The following SEMA3A variants were observed in gnomAD, a reference collection of about 807,000 sequenced individuals.
SEMA3A encodes the protein semaphorin 3A.
Under a neutral mutation model 97.9 loss-of-function variants are expected in SEMA3A, and 29 were observed. The ratio of observed to expected loss-of-function variants is 0.30; its 90% confidence interval spans 0.22 to 0.40. SEMA3A has a LOEUF of 0.40. SEMA3A is among the 10% of genes least tolerant of loss of function. The probability of loss-of-function intolerance (pLI) is 1.00; values close to 1 mark genes in which losing one functional copy is unlikely to be tolerated. For synonymous variants in SEMA3A, 321 were observed against 323.7 expected (o/e 0.99, Z 0.09); for missense variants, 763 against 951.3 (o/e 0.80, Z 2.60).
intron 3 of SEMA3A, among the ~76,000 whole-genome samples, chr7:84,275,218 T>C (rs544871744): frequency 6.6e-6 from 1 of 152,188 alleles, no homozygotes; most frequent in Admixed American, 6.6e-5. Context: ...ATGACATCCA[T>C]ACATCCACTT....
intron 4 of SEMA3A, among the ~76,000 whole-genome samples, chr7:84,108,161 G>C (rs1007493510): frequency 6.6e-6 from 1 of 152,020 alleles, no homozygotes; most frequent in Non-Finnish European, 1.5e-5. Context: ...TTTCACAACT[G>C]TATGAGGTAC....
intron 3 of SEMA3A, among the ~76,000 whole-genome samples, chr7:84,298,038 G>A (rs1800912536): frequency 6.6e-6 from 1 of 152,158 alleles, no homozygotes; most frequent in South Asian, 2.1e-4. Flanking sequence ...ATGGACAGAT[G>A]TGAATCTTTG....
intron 4 of SEMA3A, among the ~76,000 whole-genome samples, chr7:84,083,047 C>A (rs2189847): frequency 0.82 from 124,414 of 151,690 alleles, 51,220 homozygotes; most frequent in African/African-American, 0.9. Context: ...CATTTTAAAA[C>A]CTTAGATTGT....
intron 1 of SEMA3A, among the ~76,000 whole-genome samples, chr7:84,174,450 C>T (rs760326732): frequency 6.6e-6 from 1 of 152,196 alleles, no homozygotes; most frequent in Non-Finnish European, 1.5e-5. Flanking sequence ...AACCAGCAAT[C>T]ATTTAGAAGT....
chr7:83,995,452 C>A (rs1369792572), intron 12 of SEMA3A, among the ~76,000 whole-genome samples: 3 of 152,098 alleles, frequency 2.0e-5, no homozygotes, highest in African/African-American at 7.2e-5. Context: ...TCCTAGAATC[C>A]ATTAATTAAA....
intron 3 of SEMA3A, among the ~76,000 whole-genome samples, chr7:84,275,849 G>T (rs185645209): frequency 6.6e-6 from 1 of 151,982 alleles, no homozygotes; most frequent in South Asian, 2.1e-4. Flanking sequence ...TTGATTACAT[G>T]TTGAAATAAT....
At chr7:84,134,693 A>G in intron 2 of SEMA3A, 101 bp downstream of exon 2, 1 of 915,416 alleles carries the variant, frequency 1.1e-6, no homozygotes. Flanking sequence ...TTAATTCAAA[A>G]CAATTTTCTG....
chr7:84,344,280 T>G (rs1487706635), intron 2 of SEMA3A, among the ~76,000 whole-genome samples: 1 of 152,086 alleles, frequency 6.6e-6, no homozygotes, highest in Non-Finnish European at 1.5e-5. Context: ...ACCCTTCCAC[T>G]TAAACAAACA....
chr7:84,032,161 C>T (rs1366406920), intron 6 of SEMA3A, among the ~76,000 whole-genome samples: 1 of 152,124 alleles, frequency 6.6e-6, no homozygotes, highest in Non-Finnish European at 1.5e-5. Flanking sequence ...GATGCATTGG[C>T]AGTGCGGCTT....
At chr7:84,132,707 G>T (rs1368631000) in intron 2 of SEMA3A, among the ~76,000 whole-genome samples, 1 of 114,102 alleles carries the variant, frequency 8.8e-6, no homozygotes. Flanking sequence ...ACGGAGTCTC[G>T]CTCTGTCACC....
At chr7:84,357,705 C>T (rs933915827) in intron 2 of SEMA3A, among the ~76,000 whole-genome samples, 10 of 151,752 alleles carry the variant, frequency 6.6e-5, no homozygotes, top group East Asian at 1.9e-4. Context: ...CCTGAGGAAT[C>T]GCCACACTGT....
At chr7:84,476,761 TG>T (rs1259471411) in intron 1 of SEMA3A, among the ~76,000 whole-genome samples, 1 of 152,134 alleles carries the variant, frequency 6.6e-6, no homozygotes, top group East Asian at 1.9e-4. Context: ...ATTCTTACAT[TG>T]TAGCTGAAAA....
intron 2 of SEMA3A, among the ~76,000 whole-genome samples, chr7:84,353,581 A>G (rs1293363886): frequency 6.6e-6 from 1 of 151,740 alleles, no homozygotes; most frequent in Non-Finnish European, 1.5e-5. Context: ...TATAGCAGAT[A>G]TAAAGGTTCA....
chr7:84,005,826 G>A (rs1324498242), intron 10 of SEMA3A, among the ~76,000 whole-genome samples: 1 of 152,066 alleles, frequency 6.6e-6, no homozygotes, highest in Non-Finnish European at 1.5e-5. Flanking sequence ...GTGCATGCCT[G>A]TAGTCCCAGC....
chr7:84,016,851 G>T (rs12674315), intron 6 of SEMA3A, among the ~76,000 whole-genome samples: 1 of 152,034 alleles, frequency 6.6e-6, no homozygotes, highest in African/African-American at 2.4e-5. Context: ...GTAAGTTTGA[G>T]GATATTATAA....
chr7:84,261,558 C>G (rs1428477391), intron 3 of SEMA3A, among the ~76,000 whole-genome samples: 1 of 152,210 alleles, frequency 6.6e-6, no homozygotes, highest in Non-Finnish European at 1.5e-5. Context: ...TGGGTGCCCA[C>G]AGCAGAAGCC....
chr7:84,243,217 T>G (rs139686515), intron 3 of SEMA3A, among the ~76,000 whole-genome samples: 2 of 152,104 alleles, frequency 1.3e-5, no homozygotes, highest in African/African-American at 4.8e-5. Flanking sequence ...AGTTTCACAA[T>G]GAATGGTACC....
intron 3 of SEMA3A, among the ~76,000 whole-genome samples, chr7:84,118,449 G>T (rs529583444): frequency 1.3e-5 from 2 of 152,280 alleles, no homozygotes; most frequent in East Asian, 3.9e-4. Flanking sequence ...ATCTGCATGA[G>T]ATTTGGGAGG....
chr7:84,313,378 A>ATG (rs1562898765), intron 2 of SEMA3A, among the ~76,000 whole-genome samples: 2 of 81,366 alleles, frequency 2.5e-5, no homozygotes, highest in African/African-American at 7.9e-5. Context: ...ATATATATAT[A>ATG]TATATATATA....
Sources: allele counts gnomAD v4.1 joint callset (sites outside exome capture counted in the v4.1 genomes callset), GRCh38; gene constraint gnomAD v4.1.1; transcripts MANE v1.5; gene names NCBI Gene and HGNC (gene_info 2026-07-23, HGNC 2026-07-21).